WWOX: variants seen among roughly 807,000 people sequenced by gnomAD.
The protein encoded by WWOX is WW domain containing oxidoreductase, also known as WW domain-containing oxidoreductase.
Under a neutral mutation model 46.2 loss-of-function variants are expected in WWOX, and 69 were observed. The observed-to-expected ratio is 1.49, with a 90% CI of 1.23 to 1.82. The LOEUF is 1.82. WWOX is among the 40% of genes most tolerant of loss of function. The pLI, the probability that WWOX is intolerant of heterozygous loss-of-function variation, is 0.00. For missense variants in WWOX, 919 were observed against 542.6 expected (o/e 1.69, Z -6.89); for synonymous variants, 359 against 202.6 (o/e 1.77, Z -6.56).
intron 8 of WWOX, among the ~76,000 whole-genome samples, chr16:78,484,777 T>C (rs1250402772): frequency 6.6e-6 from 1 of 152,086 alleles, no homozygotes; most frequent in East Asian, 1.9e-4. Flanking sequence ...AAAGAAGTGA[T>C]TGAGTTTGCG....
intron 1 of WWOX, among the ~76,000 whole-genome samples, chr16:78,100,480 C>G (rs758568210): frequency 2.0e-5 from 3 of 152,210 alleles, no homozygotes; most frequent in Non-Finnish European, 2.9e-5. Context: ...TCTCGAACTA[C>G]TGGGCTCAAG....
chr16:78,785,325 G>C (rs943833104), intron 8 of WWOX, among the ~76,000 whole-genome samples: 3 of 152,172 alleles, frequency 2.0e-5, no homozygotes, highest in Non-Finnish European at 4.4e-5. Context: ...TGAGCACCCT[G>C]CTCTGAATGT....
At chr16:79,058,838 A>G (rs1030153313) in intron 8 of WWOX, among the ~76,000 whole-genome samples, 3 of 152,210 alleles carry the variant, frequency 2.0e-5, no homozygotes, top group African/African-American at 7.2e-5. Flanking sequence ...AAGATTGTGT[A>G]TTTTTATTTG....
intron 8 of WWOX, among the ~76,000 whole-genome samples, chr16:79,159,526 C>T (rs1282242765): frequency 5.3e-5 from 8 of 152,088 alleles, no homozygotes; most frequent in African/African-American, 9.7e-5. Context: ...GACTTGTACA[C>T]AAGACCAGGG....
At chr16:78,924,645 C>T (rs2045457531) in intron 8 of WWOX, among the ~76,000 whole-genome samples, 1 of 152,220 alleles carries the variant, frequency 6.6e-6, no homozygotes, top group Non-Finnish European at 1.5e-5. Flanking sequence ...TGTTAATTTA[C>T]TCCACGATTA....
intron 5 of WWOX, among the ~76,000 whole-genome samples, chr16:78,176,739 C>T (rs1472831167): frequency 1.3e-5 from 2 of 152,014 alleles, no homozygotes; most frequent in East Asian, 1.9e-4. Flanking sequence ...AATGCGTAGC[C>T]AGGAGAGAAT....
At chr16:78,188,291 C>T (rs1477328128) in intron 5 of WWOX, among the ~76,000 whole-genome samples, 1 of 152,046 alleles carries the variant, frequency 6.6e-6, no homozygotes, top group Non-Finnish European at 1.5e-5. Context: ...AGATCGAGAC[C>T]ATCCTGGCTA....
chr16:78,835,613 T>C (rs1334720970), intron 8 of WWOX, among the ~76,000 whole-genome samples: 2 of 152,214 alleles, frequency 1.3e-5, no homozygotes, highest in East Asian at 1.9e-4. Context: ...GATCAGTTAT[T>C]ATGAATGTGT....
At chr16:79,120,038 C>T (rs1324176826) in intron 8 of WWOX, among the ~76,000 whole-genome samples, 1 of 152,174 alleles carries the variant, frequency 6.6e-6, no homozygotes, top group East Asian at 1.9e-4. Flanking sequence ...GTGGCCTGGG[C>T]AGGGAAACCG....
intron 8 of WWOX, among the ~76,000 whole-genome samples, chr16:78,599,691 C>T (rs537784097): frequency 6.6e-6 from 1 of 152,158 alleles, no homozygotes; most frequent in Non-Finnish European, 1.5e-5. Flanking sequence ...GACCAAGGGA[C>T]ATCCACAGAT....
In WWOX at chr16:78,229,004, A is replaced by T. The variant is rs559005212; in HGVS notation, c.516+64715A>T. 2.0e-5 allele frequency among the ~76,000 whole-genome samples: 3 copies of T among 152,284 alleles called. No homozygotes were observed. In the South Asian group the frequency reaches 6.2e-4, roughly 32 times the overall value. ...ATTTTTGCACCTTGTGTTGTTTGTT[A>T]TCCTGAATTATGCCAGGGCTGGTTT... On this transcript the variant is annotated intron_variant, in intron 5 of 8. Transcript: ENST00000566780.
intron 8 of WWOX, among the ~76,000 whole-genome samples, chr16:78,478,719 C>A (rs1030484607): frequency 4.6e-5 from 7 of 152,206 alleles, no homozygotes; most frequent in Admixed American, 4.6e-4. Flanking sequence ...GCTTAATTTC[C>A]TGTGGTCCTT....
chr16:78,535,577 G>C (rs2043738889), intron 8 of WWOX: 1 of 152,276 alleles, frequency 6.6e-6, no homozygotes, highest in Admixed American at 6.5e-5. Context: ...CTGATGCCAC[G>C]GACCTTTGAA....
At chr16:78,630,358 G>T (rs2151657846) in intron 8 of WWOX, among the ~76,000 whole-genome samples, 1 of 152,224 alleles carries the variant, frequency 6.6e-6, no homozygotes, top group East Asian at 1.9e-4. Flanking sequence ...AGATAAAGAT[G>T]GCTCACTCTG....
intron 5 of WWOX, among the ~76,000 whole-genome samples, chr16:78,334,792 C>CCACACA (rs879936910): frequency 1.3e-4 from 17 of 131,048 alleles, no homozygotes; most frequent in Non-Finnish European, 2.4e-4. Flanking sequence ...AGTCTCCCCT[C>CCACACA]CACACACACA....
chr16:78,210,518 C>T (rs2036527687), intron 5 of WWOX, among the ~76,000 whole-genome samples: 1 of 152,102 alleles, frequency 6.6e-6, no homozygotes. Context: ...CACTCTCTCT[C>T]TCTTTCTCTG....
chr16:78,858,154 G>GTGTT (rs1597729365), intron 8 of WWOX, among the ~76,000 whole-genome samples: 1 of 151,644 alleles, frequency 6.6e-6, no homozygotes, highest in Non-Finnish European at 1.5e-5. Context: ...TTGTGTGTGT[G>GTGTT]TGTGTGTGTG....
intron 8 of WWOX, among the ~76,000 whole-genome samples, chr16:78,702,007 T>TTTTATATATATA (rs1555519491): frequency 3.5e-5 from 2 of 57,630 alleles, no homozygotes; most frequent in Admixed American, 2.9e-4. Context: ...CTACATAAAA[T>TTTTATATATATA]TATATATATA....
At chr16:78,761,130 C>G (rs576474576) in intron 8 of WWOX, among the ~76,000 whole-genome samples, 105 of 152,276 alleles carry the variant, frequency 6.9e-4, no homozygotes, top group East Asian at 1.4e-3. Context: ...ATATTACAGG[C>G]TAATGACTGA....
Sources: allele counts gnomAD v4.1 joint callset (sites outside exome capture counted in the v4.1 genomes callset), GRCh38; gene constraint gnomAD v4.1.1; transcripts MANE v1.5; gene names NCBI Gene and HGNC (gene_info 2026-07-23, HGNC 2026-07-21).